The following KAZN variants were observed in gnomAD, a reference collection of about 807,000 sequenced individuals.
The protein encoded by KAZN is kazrin.
In KAZN, 40 loss-of-function variants were observed where a neutral mutation model predicts 87.4. That is an observed-to-expected ratio of 0.46 (90% CI 0.36 to 0.60). The LOEUF (loss-of-function observed/expected upper bound fraction) is 0.60. Among genes scored for constraint, KAZN ranks in the 20% least tolerant of loss-of-function variants. The pLI, the probability that KAZN is intolerant of heterozygous loss-of-function variation, is 0.00. For missense variants in KAZN, 898 were observed against 1,073.9 expected (o/e 0.84, Z 2.29); for synonymous variants, 466 against 458.3 (o/e 1.02, Z -0.22).
intron 1 of KAZN, among the ~76,000 whole-genome samples, chr1:14,081,775 CAT>C (rs1643682358): frequency 6.6e-6 from 1 of 152,002 alleles, no homozygotes; most frequent in African/African-American, 2.4e-5. Flanking sequence ...TTTTTTGAGA[CAT>C]AGTCTCATTC....
At chr1:14,831,812 C>A (rs1647056260) in intron 1 of KAZN, among the ~76,000 whole-genome samples, 1 of 152,152 alleles carries the variant, frequency 6.6e-6, no homozygotes, top group African/African-American at 2.4e-5. Context: ...GCTTATCTTG[C>A]CTGGACGCCT....
intron 1 of KAZN, among the ~76,000 whole-genome samples, chr1:14,828,520 C>T (rs980778870): frequency 1.3e-5 from 2 of 152,128 alleles, no homozygotes; most frequent in African/African-American, 4.8e-5. Context: ...CTCTGCTCAA[C>T]GGAGTCCCAG....
chr1:14,347,650 G>A (rs1356493388), intron 2 of KAZN, among the ~76,000 whole-genome samples: 2 of 152,060 alleles, frequency 1.3e-5, no homozygotes, highest in African/African-American at 4.8e-5. Context: ...GAGTCCATTT[G>A]TATGAAAAGT....
intron 1 of KAZN, among the ~76,000 whole-genome samples, chr1:14,046,281 T>A (rs10737917): frequency 0.79 from 120,299 of 152,114 alleles, 48,060 homozygotes; most frequent in African/African-American, 0.9. Flanking sequence ...CAGCCAGAAC[T>A]AATATTCTTG....
At chr1:14,692,224 C>T (rs1025816035) in intron 1 of KAZN, 5 of 581,746 alleles carry the variant, frequency 8.6e-6, no homozygotes, top group African/African-American at 3.8e-5. Flanking sequence ...TGTTGAAGAT[C>T]CAAATATGCA....
At chr1:14,387,630 T>G (rs1214279373) in intron 2 of KAZN, among the ~76,000 whole-genome samples, 5 of 152,092 alleles carry the variant, frequency 3.3e-5, no homozygotes. Context: ...CTGCTCGGGG[T>G]TCAGGGGTCA....
intron 2 of KAZN, among the ~76,000 whole-genome samples, chr1:14,359,774 T>C (rs1385120507): frequency 6.6e-6 from 1 of 152,212 alleles, no homozygotes; most frequent in Admixed American, 6.5e-5. Flanking sequence ...CTCACTCTCT[T>C]CTGGCTTGTA....
intron 2 of KAZN, among the ~76,000 whole-genome samples, chr1:14,531,056 G>C (rs759655563): frequency 2.0e-5 from 3 of 152,180 alleles, no homozygotes; most frequent in Non-Finnish European, 4.4e-5. Flanking sequence ...CTGGGTGACA[G>C]AGTGAGACCC....
intron 1 of KAZN, among the ~76,000 whole-genome samples, chr1:13,957,466 C>T (rs1244406362): frequency 1.3e-5 from 2 of 151,906 alleles, no homozygotes; most frequent in Non-Finnish European, 2.9e-5. Context: ...GTTGGGTACC[C>T]CTGTGTTTTA....
chr1:13,952,255 A>T (rs1249914440), intron 1 of KAZN, among the ~76,000 whole-genome samples: 3 of 151,822 alleles, frequency 2.0e-5, no homozygotes, highest in African/African-American at 7.3e-5. Flanking sequence ...GTGGTCTTAC[A>T]CACTGTAGGA....
chr1:14,319,620 A>T (rs1655911050), intron 2 of KAZN, among the ~76,000 whole-genome samples: 1 of 151,810 alleles, frequency 6.6e-6, no homozygotes, highest in Non-Finnish European at 1.5e-5. Context: ...AATTCCCGGA[A>T]CTCCACTTGG....
intron 2 of KAZN, among the ~76,000 whole-genome samples, chr1:14,541,054 C>A (rs1474348902): frequency 6.6e-6 from 1 of 152,172 alleles, no homozygotes; most frequent in Non-Finnish European, 1.5e-5. Context: ...GACCCCGGCA[C>A]AAATATTTAC....
chr1:14,227,131 A>T (rs1431188553), intron 2 of KAZN, among the ~76,000 whole-genome samples: 1 of 73,834 alleles, frequency 1.4e-5, no homozygotes, highest in African/African-American at 4.5e-5. Context: ...CTATATGTAG[A>T]ATCTTTGTGA....
chr1:15,039,763 GAC>G (rs1383821627), intron 3 of KAZN, among the ~76,000 whole-genome samples: 1 of 152,002 alleles, frequency 6.6e-6, no homozygotes, highest in Non-Finnish European at 1.5e-5. Flanking sequence ...CATTTTTTAA[GAC>G]ATAGGTGACT....
chr1:13,991,223 A>G (rs1015523631), intron 1 of KAZN, among the ~76,000 whole-genome samples: 1 of 152,106 alleles, frequency 6.6e-6, no homozygotes, highest in Admixed American at 6.5e-5. Context: ...ACTGATTTCA[A>G]GCTACCAACA....
chr1:14,008,263 A>G (rs10803448), intron 1 of KAZN, among the ~76,000 whole-genome samples: 30,516 of 152,070 alleles, frequency 0.2, 3,315 homozygotes, highest in African/African-American at 0.26. Flanking sequence ...TTCACATGCA[A>G]TAGTACCCTT....
At chr1:14,344,932 T>G (rs1279738121) in intron 2 of KAZN, among the ~76,000 whole-genome samples, 1 of 146,970 alleles carries the variant, frequency 6.8e-6, no homozygotes, top group African/African-American at 2.5e-5. Context: ...TTTTTTTTTT[T>G]CCTTGAGATG....
intron 1 of KAZN, among the ~76,000 whole-genome samples, chr1:14,785,156 G>A (rs1572475964): frequency 6.6e-6 from 1 of 152,124 alleles, no homozygotes; most frequent in East Asian, 1.9e-4. Context: ...AGTAGAAAAG[G>A]GGATTTATTG....
intron 1 of KAZN, among the ~76,000 whole-genome samples, chr1:14,648,766 A>G (rs1455052359): frequency 6.6e-6 from 1 of 152,208 alleles, no homozygotes; most frequent in African/African-American, 2.4e-5. Context: ...TGGAAAAATA[A>G]TAGTGCTCAC....
Sources: allele counts gnomAD v4.1 joint callset (sites outside exome capture counted in the v4.1 genomes callset), GRCh38; gene constraint gnomAD v4.1.1; transcripts MANE v1.5; gene names NCBI Gene and HGNC (gene_info 2026-07-23, HGNC 2026-07-21).